Variants in FBXW2 observed in about 807,000 individuals in gnomAD.
The protein encoded by FBXW2 is F-box/WD repeat-containing protein 2.
Under a neutral mutation model 46.0 loss-of-function variants are expected in FBXW2, and 12 were observed. The ratio of observed to expected loss-of-function variants is 0.26; its 90% confidence interval spans 0.17 to 0.42. FBXW2 has a LOEUF of 0.42. Ranked by LOEUF, FBXW2 falls within the 10% of genes least tolerant of loss-of-function variation. FBXW2 has a pLI of 1.00. For synonymous variants in FBXW2, 203 were observed against 209.6 expected, an observed-to-expected ratio of 0.97 and a Z score of 0.27; for missense variants, 360 against 537.0, an observed-to-expected ratio of 0.67 and a Z score of 3.26.
chr9:120,775,173 T>C (rs1017220228), intron 5 of FBXW2, among the ~76,000 whole-genome samples: 18 of 152,236 alleles, frequency 1.2e-4, no homozygotes, highest in African/African-American at 4.3e-4. Flanking sequence ...AATTCCCCTG[T>C]CTCAGCCTCC....
chr9:120,774,759 A>G (rs1196176473), intron 5 of FBXW2, among the ~76,000 whole-genome samples: 1 of 152,140 alleles, frequency 6.6e-6, no homozygotes, highest in Non-Finnish European at 1.5e-5. Context: ...CGCACCAGAC[A>G]CTTGCTCAGA....
Position 120,772,830 on chromosome 9 carries a change from T to C in FBXW2, c.830A>G (p.Gln277Arg), listed in dbSNP as rs773593853. The C allele has an allele frequency of 1.9e-6, 3 of 1,610,968 alleles. No individual in the cohort carries two copies. Among genetic ancestry groups the C allele is most frequent in the Non-Finnish European group, 2.5e-6 (3 of 1,177,644 alleles). Reference protein sequence around the residue: ...HTEWVTKVVLQKCKVKSLLHS... With the variant: ...HTEWVTKVVLRKCKVKSLLHS... ...CAAGAGAGACTTGACTTTGCACTTCTGCAAAACTACCTGCAAATGTAAACC... is the reference window on the plus strand; with the variant it reads ...CAAGAGAGACTTGACTTTGCACTTCCGCAAAACTACCTGCAAATGTAAACC... Residue 277 changes from glutamine (Q) to arginine (R), a missense_variant, in exon 6 of 8, where the codon CAG becomes CGG. Physicochemically the swap from Gln to Arg is conservative, Grantham distance 43. Coordinates refer to ENST00000608872, the MANE Select transcript of FBXW2 (RefSeq NM_012164.4).
intron 4 of FBXW2, among the ~76,000 whole-genome samples, chr9:120,777,056 AAAG>A (rs1412110562): frequency 6.6e-6 from 1 of 152,208 alleles, no homozygotes; most frequent in Non-Finnish European, 1.5e-5. Flanking sequence ...AGGAAAGAAA[AAAG>A]AATACTGCAA....
chr9:120,772,034 G>C (rs998410399), intron 6 of FBXW2, among the ~76,000 whole-genome samples: 2 of 147,048 alleles, frequency 1.4e-5, no homozygotes, highest in African/African-American at 5.1e-5. Context: ...ACTCCAGCCT[G>C]GGTGACAGAG....
intron 2 of FBXW2, among the ~76,000 whole-genome samples, chr9:120,790,189 A>G (rs1324283250): frequency 6.6e-6 from 1 of 152,228 alleles, no homozygotes. Flanking sequence ...AATTAAAAAC[A>G]CACACCAGGC....
Position 120,787,790 on chromosome 9 carries a change from T to C in FBXW2, c.469A>G (p.Lys157Glu). Reference sequence around the variant, plus strand: ...TTACCTGTACAGAGAAGTCCATCTTTGTAGTAAAGTGCATACACTCTGGCA... The same window carrying C: ...TTACCTGTACAGAGAAGTCCATCTTCGTAGTAAAGTGCATACACTCTGGCA... Reference protein sequence around the residue: ...HSARVYALYYKDGLLCTGSDD... With the variant: ...HSARVYALYYEDGLLCTGSDD... Residue 157 changes from lysine (K) to glutamate (E), a missense_variant, in exon 3 of 8, where the codon AAA (lysine) becomes GAA (glutamate). By Grantham distance (56) the Lys-to-Glu change is moderately conservative. Coordinates refer to ENST00000608872, the MANE Select transcript of FBXW2 (RefSeq NM_012164.4). 6.2e-7 allele frequency: 1 copy of C among 1,613,520 alleles called. No homozygotes were observed. The highest frequency in any genetic ancestry group is 8.5e-7 in the Non-Finnish European group (1 of 1,179,802).
chr9:120,788,156 G>C lies in FBXW2; in HGVS notation c.103C>G (p.Leu35Val). The change falls in exon 3 of 8, where the codon CTG becomes GTG. Residue 35 changes from leucine to valine, a missense_variant. Coordinates refer to ENST00000608872, the MANE Select transcript of FBXW2 (RefSeq NM_012164.4). ...KNETLDHLIS[L>V]SGAVQLRHLS... ...TGCCTGAGCTGGACTGCCCCACTCA[G>C]ACTAATCAGGTGATCCAGAGTTTCA... 1.9e-6 allele frequency: 3 copies of C among 1,614,196 alleles called. No homozygotes were observed. The highest frequency in any genetic ancestry group is 2.5e-6 in the Non-Finnish European group (3 of 1,180,040).
chr9:120,762,159 G>A lies in FBXW2; in HGVS notation c.*2400C>T, dbSNP rs1453085273. ...GTTCAAGACCAGCCTGGCCAACATG[G>A]TGGAACCCTGTCTCTACTAAAAATA... On this transcript the variant is annotated 3_prime_UTR_variant, in exon 8 of 8. Coordinates refer to ENST00000608872, the MANE Select transcript of FBXW2 (RefSeq NM_012164.4). 6.6e-6 allele frequency: 1 copy of A among 152,128 alleles called. No individual in the cohort carries two copies. The highest frequency in any genetic ancestry group is 6.5e-5 in the Admixed American group (1 of 15,276). The allele number at this position is 152,128 out of a possible 1,614,324, so 9.4% of individuals were successfully genotyped here. A position where few individuals can be genotyped will look rare whatever the true frequency, so the allele number is the denominator to read the frequency against.
chr9:120,788,337 G>T, intron 2 of FBXW2, 59 bp from the exon 3 acceptor site: 1 of 1,457,456 alleles, frequency 6.9e-7, no homozygotes, highest in Non-Finnish European at 9.2e-7. Flanking sequence ...AAGCAAGACT[G>T]CTAACAAATG....
At chr9:120,772,622 G>T (rs1379726132) in intron 6 of FBXW2, 132 bp downstream of exon 6, 2 of 557,164 alleles carry the variant, frequency 3.6e-6, no homozygotes, top group Admixed American at 3.7e-5. Context: ...CTTCCGGTGG[G>T]TTTAAAATGG....
intron 7 of FBXW2, among the ~76,000 whole-genome samples, chr9:120,769,615 A>C (rs2044334726): frequency 6.6e-6 from 1 of 152,330 alleles, no homozygotes; most frequent in East Asian, 1.9e-4. Context: ...AAAAGATGTG[A>C]TTTTCCCATG....
chr9:120,770,461 T>C (rs1204660643), intron 7 of FBXW2, among the ~76,000 whole-genome samples: 1 of 152,160 alleles, frequency 6.6e-6, no homozygotes, highest in African/African-American at 2.4e-5. Context: ...CGCTAACTTT[T>C]TGAGTTGTTA....
intron 4 of FBXW2, among the ~76,000 whole-genome samples, chr9:120,777,483 C>A (rs1378161358): frequency 6.6e-6 from 1 of 152,078 alleles, no homozygotes; most frequent in Non-Finnish European, 1.5e-5. Context: ...GGTGGGGAAG[C>A]AAGATTATAT....
At position 120,789,077 on chromosome 9, in the gene FBXW2, T is replaced by C. The variant is rs141523976; in HGVS notation, c.-20-799A>G. On this transcript the variant is annotated intron_variant, in intron 2 of 7. Coordinates refer to ENST00000608872, the MANE Select transcript of FBXW2 (RefSeq NM_012164.4). ...CACAAATAAAGCAAATTAATAATCC[T>C]GATGTTTATAAAACACCAGAAAATA... 2.9e-3 allele frequency among the ~76,000 whole-genome samples: 438 copies of C among 152,140 alleles called. 3 individuals carry two copies. Among genetic ancestry groups the C allele is most frequent in the Middle Eastern group, 0.01 (3 of 294 alleles).
chr9:120,789,107 T>C lies in FBXW2; in HGVS notation c.-20-829A>G, dbSNP rs117212564. On this transcript the variant is annotated intron_variant, in intron 2 of 7. Coordinates refer to ENST00000608872, the MANE Select transcript of FBXW2 (RefSeq NM_012164.4). ...TTTATAAAACACCAGAAAATAGACA[T>C]TATCATCTTCACTTTGCAAATGAGG... Among the ~76,000 whole-genome samples the C allele has an allele frequency of 9.3e-3, 1,405 of 151,846 alleles. 13 individuals are homozygous for C. Among genetic ancestry groups the C allele is most frequent in the Non-Finnish European group, 0.015 (1,009 of 67,982 alleles).
rs1305477526 is a variant in FBXW2, at chr9:120,759,437, C to G, written c.*5122G>C. 1 of 152,220 alleles carries G rather than the reference C, an allele frequency of 6.6e-6. No homozygotes were observed. The highest frequency in any genetic ancestry group is 1.9e-4 in the East Asian group (1 of 5,204). The allele number at this position is 152,220 out of a possible 1,614,324, so 9.4% of individuals were successfully genotyped here. A position where few individuals can be genotyped will look rare whatever the true frequency, so the allele number is the denominator to read the frequency against. On this transcript the variant is annotated 3_prime_UTR_variant, in exon 8 of 8. Transcript: ENST00000608872. The stretch of plus-strand genomic sequence containing the variant: ...TTGCTTAAGCAACCTCTTCTTCCCC[C>G]TACCCCACACAGTTCAAATATAAAC...
chr9:120,780,671 T>C (rs528645715), intron 3 of FBXW2, among the ~76,000 whole-genome samples: 2 of 152,212 alleles, frequency 1.3e-5, no homozygotes, highest in South Asian at 4.1e-4. Flanking sequence ...TTAGGTCCTT[T>C]ATGAGCTTGG....
At chr9:120,787,180 C>T (rs972081001) in intron 3 of FBXW2, among the ~76,000 whole-genome samples, 5 of 152,208 alleles carry the variant, frequency 3.3e-5, no homozygotes, top group Admixed American at 2.6e-4. Context: ...AGGCGCATGC[C>T]GCCACGCCCG....
chr9:120,772,177 G>A (rs779712815), intron 6 of FBXW2, among the ~76,000 whole-genome samples: 17 of 151,518 alleles, frequency 1.1e-4, no homozygotes, highest in Non-Finnish European at 5.9e-5. Context: ...TAAGAATTAA[G>A]GACGGTAGGA....
Sources: allele counts gnomAD v4.1 joint callset (sites outside exome capture counted in the v4.1 genomes callset), GRCh38; gene constraint gnomAD v4.1.1; transcripts MANE v1.5; gene names NCBI Gene and HGNC (gene_info 2026-07-23, HGNC 2026-07-21).